STN1: variants seen among roughly 807,000 people sequenced by gnomAD.
STN1 encodes STN1 subunit of CST complex.
A neutral mutation model predicts 45.5 loss-of-function variants in STN1; 29 were observed. The ratio of observed to expected loss-of-function variants is 0.64; its 90% CI spans 0.47 to 0.87. The LOEUF (loss-of-function observed/expected upper bound fraction) is 0.87, where lower values mean the gene tolerates loss of function less well. Among genes scored for constraint, STN1 ranks in the 40% least tolerant of loss-of-function variants. The pLI is 0.00. For synonymous variants in STN1, 148 were observed against 159.0 expected (o/e 0.93, Z 0.52); for missense variants, 376 against 441.4 (o/e 0.85, Z 1.33).
At chr10:103,889,695 CTTTTTTTTTTT>C (rs58738841) in intron 8 of STN1, among the ~76,000 whole-genome samples, 6 of 122,098 alleles carry the variant, frequency 4.9e-5, no homozygotes, top group African/African-American at 2.0e-4. Flanking sequence ...TTTCTTTTTC[CTTTTTTTTTTT>C]TTTTTTTTTT....
chr10:103,917,657 C>G lies in STN1; in HGVS notation c.-62-1G>C, dbSNP rs569389993. 1.9e-6 allele frequency: 3 copies of G among 1,560,152 alleles called. No individual in the cohort carries two copies. The East Asian group carries it at 6.8e-5, about 35-fold the overall frequency. On this transcript the variant is annotated splice_acceptor_variant, in intron 1 of 9. Coordinates refer to ENST00000224950, the MANE Select transcript of STN1 (RefSeq NM_024928.5). LOFTEE classifies it low-confidence loss of function (5UTR_SPLICE). ...GGTTCTGCATCACTGAGTCAAGCAT[C>G]TAGATGGGACACAGAAATGAGGATG...
chr10:103,909,426 ATATATATGTATATATATG>A lies in STN1; in HGVS notation c.229+1083_229+1100del, dbSNP rs1341006559. On this transcript the variant is annotated intron_variant, in intron 3 of 9. Coordinates refer to ENST00000224950, the MANE Select transcript of STN1 (RefSeq NM_024928.5). ...TATATATGTATATATGTATATATGT[ATATATATGTATATATATG>A]TATATATGTATATATGTATATATAT... 1.5e-3 allele frequency among the ~76,000 whole-genome samples: 84 copies of A among 56,898 alleles called. 3 individuals are homozygous for A. The highest frequency in any genetic ancestry group is 0.018 in the Middle Eastern group (2 of 114). 37.3% of individuals were successfully genotyped at this position (56,898 alleles called of 152,430 possible).
intron 7 of STN1, 87 bp downstream of exon 7, chr10:103,897,461 T>C: frequency 1.7e-6 from 2 of 1,188,446 alleles, no homozygotes; most frequent in Admixed American, 1.8e-5. Flanking sequence ...TCTGTGAATC[T>C]TCATGCCACA....
Position 103,878,705 on chromosome 10 carries a change from G to A in STN1, c.*3979C>T, listed in dbSNP as rs547174890. 49 of 152,332 alleles carry A rather than the reference G, an allele frequency of 3.2e-4. No homozygotes were observed. Among genetic ancestry groups the A allele is most frequent in the African/African-American group, 1.2e-3 (49 of 41,556 alleles). 9.4% of individuals were successfully genotyped at this position (152,332 alleles called of 1,614,324 possible). ...CAGAGGTAACATGTGCATCCCTTTG[G>A]TGAGAATTTCTAGTAATCTGTCTGA... is the stretch of plus-strand genomic sequence containing the variant. On this transcript the variant is annotated 3_prime_UTR_variant, in exon 10 of 10. Transcript: ENST00000224950.
intron 9 of STN1, among the ~76,000 whole-genome samples, chr10:103,888,847 C>A (rs967963196): frequency 6.6e-5 from 10 of 152,120 alleles, no homozygotes; most frequent in African/African-American, 2.4e-4. Context: ...TCAGAGGGCT[C>A]CAAGGTTGAA....
intron 9 of STN1, among the ~76,000 whole-genome samples, chr10:103,883,837 C>T (rs1843086805): frequency 6.6e-6 from 1 of 152,068 alleles, no homozygotes; most frequent in Non-Finnish European, 1.5e-5. Context: ...CGCCTATAAT[C>T]CCAGAACTTT....
rs768391868 is a variant in STN1, at chr10:103,900,251, G to C, written c.296-28C>G. On this transcript the variant is annotated intron_variant, in intron 4 of 9. Coordinates refer to ENST00000224950, the MANE Select transcript of STN1 (RefSeq NM_024928.5). ...GTAGTTGTTTAGAGCCAGAGGGAAA[G>C]AGAAAAAGTTATAACACAATCACTC... is the stretch of plus-strand genomic sequence containing the variant. 1.3e-5 allele frequency: 21 copies of C among 1,608,876 alleles called. No individual in the cohort carries two copies. In the Admixed American group the frequency reaches 1.7e-4, roughly 13 times the overall value.
At chr10:103,890,710 G>A (rs1419321504) in intron 8 of STN1, among the ~76,000 whole-genome samples, 2 of 152,194 alleles carry the variant, frequency 1.3e-5, no homozygotes, top group Non-Finnish European at 1.5e-5. Flanking sequence ...TGGGATACCT[G>A]CTTCAAAAGT....
At chr10:103,907,178 TAAAACA>T (rs1843247325) in intron 3 of STN1, among the ~76,000 whole-genome samples, 1 of 152,148 alleles carries the variant, frequency 6.6e-6, no homozygotes, top group Admixed American at 6.5e-5. Flanking sequence ...TACTTCCAGA[TAAAACA>T]AAAACAAGTA....
chr10:103,894,711 A>C (rs997907), intron 7 of STN1, among the ~76,000 whole-genome samples: 67,533 of 147,740 alleles, frequency 0.46, 15,850 homozygotes, highest in Admixed American at 0.5. Flanking sequence ...AAAAAACCAA[A>C]CAAACAAAAA....
At chr10:103,885,010 C>G (rs1192432244) in intron 9 of STN1, among the ~76,000 whole-genome samples, 1 of 152,126 alleles carries the variant, frequency 6.6e-6, no homozygotes, top group Admixed American at 6.6e-5. Flanking sequence ...TAGAGCTTGG[C>G]AGACCTGGAG....
At chr10:103,915,925 T>C (rs1355725202) in intron 2 of STN1, among the ~76,000 whole-genome samples, 1 of 151,908 alleles carries the variant, frequency 6.6e-6, no homozygotes, top group Non-Finnish European at 1.5e-5. Context: ...ACAATAAGGT[T>C]TGCGCTCCTA....
chr10:103,882,781 G>T lies in STN1; in HGVS notation c.1010C>A (p.Pro337Gln). The T allele has an allele frequency of 6.2e-7, 1 of 1,614,174 alleles. No homozygotes were observed. Among genetic ancestry groups the T allele is most frequent in the Non-Finnish European group, 8.5e-7 (1 of 1,180,044 alleles). Reference sequence around the variant, plus strand: ...CTGCAGCACAGCCTCGCTCAGGCCCGGGCGGATGCTCAGGCGAGCACAGGC... The same window carrying T: ...CTGCAGCACAGCCTCGCTCAGGCCCTGGCGGATGCTCAGGCGAGCACAGGC... ...ILACARLSIRPGLSEAVLQQV... is the reference protein window; with the variant it reads ...ILACARLSIRQGLSEAVLQQV... The change falls in exon 10 of 10, where the codon CCG (proline) becomes CAG (glutamine). Residue 337 changes from proline to glutamine, a missense_variant. Physicochemically the swap from Pro to Gln is moderately conservative, Grantham distance 76. Coordinates refer to ENST00000224950, the MANE Select transcript of STN1 (RefSeq NM_024928.5).
chr10:103,901,121 C>G (rs1843207422), intron 4 of STN1, among the ~76,000 whole-genome samples: 1 of 152,196 alleles, frequency 6.6e-6, no homozygotes, highest in African/African-American at 2.4e-5. Flanking sequence ...ATCCTTTATT[C>G]TCTGCTGCCT....
chr10:103,900,293 C>G, intron 4 of STN1, 70 bp from the exon 5 acceptor site: 1 of 1,502,352 alleles, frequency 6.7e-7, no homozygotes, highest in Non-Finnish European at 9.1e-7. Context: ...ATCTGTGAGA[C>G]AGTTTTAGGG....
intron 3 of STN1, 147 bp downstream of exon 3, chr10:103,910,380 G>A (rs1431064343): frequency 4.0e-6 from 2 of 500,408 alleles, no homozygotes; most frequent in Non-Finnish European, 7.3e-6. Context: ...CGTGTCTGGG[G>A]CTATAAGGGG....
chr10:103,909,089 CA>C (rs1171237781), intron 3 of STN1, among the ~76,000 whole-genome samples: 180 of 151,718 alleles, frequency 1.2e-3, no homozygotes, highest in Non-Finnish European at 3.7e-4. Context: ...CTTTCTGTTT[CA>C]AAAGACTAGA....
At chr10:103,897,856 C>T (rs1327314241) in intron 6 of STN1, 137 bp from the exon 7 acceptor site, 1 of 701,138 alleles carries the variant, frequency 1.4e-6, no homozygotes, top group Non-Finnish European at 2.3e-6. Flanking sequence ...GTAATATATA[C>T]AGGGAACATC....
chr10:103,885,697 C>A (rs996532048), intron 9 of STN1, among the ~76,000 whole-genome samples: 8 of 152,084 alleles, frequency 5.3e-5, no homozygotes, highest in Admixed American at 2.6e-4. Context: ...GCCTTAGATT[C>A]TTCTCTAAGT....
Sources: allele counts gnomAD v4.1 joint callset (sites outside exome capture counted in the v4.1 genomes callset), GRCh38; gene constraint gnomAD v4.1.1; transcripts MANE v1.5; gene names NCBI Gene and HGNC (gene_info 2026-07-23, HGNC 2026-07-21).